The following ACSM6 variants were observed in gnomAD, a reference collection of about 807,000 sequenced individuals.
The protein encoded by ACSM6 is acyl-coenzyme A synthetase ACSM6, mitochondrial.
In ACSM6, 35 loss-of-function variants were observed where a neutral mutation model predicts 51.1. That is an observed-to-expected ratio of 0.69 (90% CI 0.52 to 0.91). ACSM6 has a LOEUF of 0.91. ACSM6 is among the 40% of genes least tolerant of loss of function. ACSM6 has a pLI of 0.00. For synonymous variants in ACSM6, 172 were observed against 207.3 expected, an observed-to-expected ratio of 0.83 and a Z score of 1.46; for missense variants, 509 against 584.1, an observed-to-expected ratio of 0.87 and a Z score of 1.32.
intron 5 of ACSM6, 61 bp downstream of exon 5, chr10:95,210,854 T>A: frequency 6.5e-7 from 1 of 1,540,244 alleles, no homozygotes; most frequent in Non-Finnish European, 8.7e-7. Flanking sequence ...TAAAGGGAGC[T>A]TCATGGGACT....
intron 8 of ACSM6, among the ~76,000 whole-genome samples, chr10:95,216,724 A>G (rs1269553629): frequency 6.6e-6 from 1 of 152,184 alleles, no homozygotes; most frequent in Non-Finnish European, 1.5e-5. Context: ...CTTGAAAAAA[A>G]TAAGTAGAAA....
intron 9 of ACSM6, among the ~76,000 whole-genome samples, chr10:95,221,971 C>T (rs2034999045): frequency 6.6e-6 from 1 of 152,178 alleles, no homozygotes. Context: ...TAACATCATA[C>T]TCAATGGTCA....
At chr10:95,221,259 G>A (rs1005804207) in intron 9 of ACSM6, among the ~76,000 whole-genome samples, 2 of 152,084 alleles carry the variant, frequency 1.3e-5, no homozygotes, top group African/African-American at 2.4e-5. Context: ...CCATAGAAAT[G>A]TGAAGAATCC....
At chr10:95,210,567 A>C in intron 4 of ACSM6, 83 bp from the exon 5 acceptor site, 8 of 1,359,852 alleles carry the variant, frequency 5.9e-6, no homozygotes, top group African/African-American at 1.5e-5. Context: ...TTTTAAAATC[A>C]GAGATTACCA....
chr10:95,224,679 C>T (rs536431137), intron 9 of ACSM6, among the ~76,000 whole-genome samples: 74 of 152,318 alleles, frequency 4.9e-4, no homozygotes, highest in African/African-American at 1.6e-3. Flanking sequence ...GGATTACAGG[C>T]GTGAGCCACC....
intron 9 of ACSM6, among the ~76,000 whole-genome samples, chr10:95,220,565 C>T (rs11812764): frequency 0.049 from 7,508 of 152,192 alleles, 647 homozygotes; most frequent in African/African-American, 0.17. Context: ...TTTGCTTTCA[C>T]GCCTATCTCG....
intron 2 of ACSM6, among the ~76,000 whole-genome samples, chr10:95,200,612 A>AAGGAGAAGG (rs1554829172): frequency 1.1e-5 from 1 of 91,414 alleles, no homozygotes; most frequent in African/African-American, 4.0e-5. Flanking sequence ...GGAGAAGGAG[A>AAGGAGAAGG]AGGAGAAGAA....
chr10:95,206,678 C>A (rs780276112), intron 3 of ACSM6, among the ~76,000 whole-genome samples: 2 of 152,182 alleles, frequency 1.3e-5, no homozygotes, highest in Non-Finnish European at 2.9e-5. Flanking sequence ...GTCAGAAGAG[C>A]CTCTGGCACA....
rs140639831 is a variant in ACSM6 at position 95,197,551 on chromosome 10, C to T, written c.192+2874C>T. Among the ~76,000 whole-genome samples the T allele has an allele frequency of 4.1e-3, 630 of 152,270 alleles. 5 individuals carry two copies. Among genetic ancestry groups the T allele is most frequent in the East Asian group, 0.014 (75 of 5,184 alleles). On this transcript the variant is annotated intron_variant, in intron 2 of 10. Coordinates refer to ENST00000341686, the Ensembl canonical transcript of ACSM6. Reference sequence around the variant, plus strand: ...AGATTTATGTTTCTCTCCACCCAAACATCTCAGTGGAGTAAAGAATAACAA... The same window carrying T: ...AGATTTATGTTTCTCTCCACCCAAATATCTCAGTGGAGTAAAGAATAACAA...
chr10:95,220,289 T>G (rs1178036965), intron 9 of ACSM6, among the ~76,000 whole-genome samples: 2 of 152,186 alleles, frequency 1.3e-5, no homozygotes, highest in Non-Finnish European at 2.9e-5. Context: ...AAGACAACTA[T>G]TTTGAATGCA....
intron 3 of ACSM6, among the ~76,000 whole-genome samples, chr10:95,203,919 T>C (rs989149934): frequency 6.9e-6 from 1 of 145,902 alleles, no homozygotes. Context: ...TCTTTGAGAA[T>C]GCCAGCTGTC....
chr10:95,212,759 A>T, intron 6 of ACSM6, 99 bp from the exon 7 acceptor site: 1 of 885,878 alleles, frequency 1.1e-6, no homozygotes, highest in Non-Finnish European at 1.9e-6. Flanking sequence ...AAAGTCTGTG[A>T]CCCTCTTCCC....
At chr10:95,225,469 G>A (rs971766210) in intron 10 of ACSM6, 78 bp downstream of exon 10, 57 of 1,042,088 alleles carry the variant, frequency 5.5e-5, no homozygotes, top group Non-Finnish European at 7.4e-5. Context: ...AGTACTTTAT[G>A]ATTTGCCAAA....
intron 3 of ACSM6, among the ~76,000 whole-genome samples, chr10:95,206,038 G>A (rs948661703): frequency 2.6e-5 from 4 of 152,014 alleles, no homozygotes; most frequent in Admixed American, 6.6e-5. Context: ...AAAATTCACC[G>A]TTTAAAAGTG....
rs188421187 is a variant in ACSM6, at chr10:95,214,338, T to C, written c.996-514T>C. On this transcript the variant is annotated intron_variant, in intron 7 of 10. Coordinates refer to ENST00000341686, the Ensembl canonical transcript of ACSM6. ...TCCACTGGACATCACCAAAATCAAA[T>C]AAACATAAAATGAATTGTGGGTTTA... Among the ~76,000 whole-genome samples the C allele has an allele frequency of 3.1e-3, 467 of 152,262 alleles. 3 individuals are homozygous for C. Among genetic ancestry groups the C allele is most frequent in the South Asian group, 6.4e-3 (31 of 4,826 alleles).
At chr10:95,201,129 G>A (rs1276267473) in intron 2 of ACSM6, among the ~76,000 whole-genome samples, 1 of 152,168 alleles carries the variant, frequency 6.6e-6, no homozygotes, top group South Asian at 2.1e-4. Flanking sequence ...GCTAGGAGGA[G>A]GGCACTCTTC....
intron 4 of ACSM6, among the ~76,000 whole-genome samples, chr10:95,208,933 T>TAAAAAAAAAAAAAAAAA (rs34370150): frequency 2.9e-4 from 10 of 33,922 alleles, no homozygotes; most frequent in Admixed American, 5.5e-4. Context: ...CAGGGATGTT[T>TAAAAAAAAAAAAAAAAA]AAAAAAAAAA....
intron 7 of ACSM6, among the ~76,000 whole-genome samples, chr10:95,213,906 G>C (rs1472664024): frequency 6.6e-6 from 1 of 152,128 alleles, no homozygotes; most frequent in East Asian, 1.9e-4. Context: ...TTGACATGAA[G>C]GAACGCCTAG....
exon 1 of ACSM6, chr10:95,194,259 C>A: frequency 2.1e-6 from 1 of 470,526 alleles, no homozygotes; most frequent in Non-Finnish European, 3.8e-6. Context: ...GCTCTACCAT[C>A]CTCCAAACAT....
Sources: allele counts gnomAD v4.1 joint callset (sites outside exome capture counted in the v4.1 genomes callset), GRCh38; gene constraint gnomAD v4.1.1; transcripts MANE v1.5; gene names NCBI Gene and HGNC (gene_info 2026-07-23, HGNC 2026-07-21).